The following ATG10 variants were observed in gnomAD, a reference collection of about 807,000 sequenced individuals.
The protein encoded by ATG10 is autophagy related 10, also known as ubiquitin-like-conjugating enzyme ATG10.
Under a neutral mutation model 32.1 loss-of-function variants are expected in ATG10, and 30 were observed. The observed-to-expected ratio is 0.94, with a 90% CI of 0.70 to 1.27. ATG10 has a LOEUF of 1.27. ATG10 is among the 50% of genes most tolerant of loss of function. ATG10 has a pLI of 0.00. For synonymous variants in ATG10, 87 were observed against 91.5 expected, an observed-to-expected ratio of 0.95 and a Z score of 0.28; for missense variants, 233 against 262.3, an observed-to-expected ratio of 0.89 and a Z score of 0.77.
intron 3 of ATG10, among the ~76,000 whole-genome samples, chr5:82,117,999 T>C (rs368377432): frequency 2.0e-5 from 3 of 152,048 alleles, no homozygotes; most frequent in African/African-American, 4.8e-5. Flanking sequence ...GAGAGACCAG[T>C]TGAAGAAACG....
chr5:82,041,079 C>A (rs1375625737), intron 2 of ATG10, among the ~76,000 whole-genome samples: 1 of 152,122 alleles, frequency 6.6e-6, no homozygotes, highest in Admixed American at 6.5e-5. Context: ...AGTAGCTATT[C>A]TATTTTAATC....
At chr5:82,008,730 G>T (rs1252548624) in intron 2 of ATG10, among the ~76,000 whole-genome samples, 1 of 152,140 alleles carries the variant, frequency 6.6e-6, no homozygotes, top group African/African-American at 2.4e-5. Context: ...CTGACCCTCA[G>T]CTTTTTGGGT....
Position 82,071,415 on chromosome 5 carries a change from G to A in ATG10, c.216+12813G>A, listed in dbSNP as rs936551544. Among the ~76,000 whole-genome samples, 27 of 152,200 alleles carry A rather than the reference G, an allele frequency of 1.8e-4. No individual in the cohort carries two copies. In the East Asian group the frequency reaches 4.4e-3, roughly 25 times the overall value. ...TGTCTACCTTATGAACCTATCAACC[G>A]ATCCTGGCTTCCATAATCACTCAGC... On this transcript the variant is annotated intron_variant, in intron 3 of 7. Coordinates refer to ENST00000282185, the MANE Select transcript of ATG10 (RefSeq NM_031482.5).
intron 5 of ATG10, among the ~76,000 whole-genome samples, chr5:82,248,654 A>G (rs1046839292): frequency 1.3e-5 from 2 of 152,068 alleles, no homozygotes; most frequent in Non-Finnish European, 2.9e-5. Flanking sequence ...TTCTGGGGAG[A>G]GGATTTGCTG....
chr5:82,003,526 A>G (rs1761907885), intron 2 of ATG10, among the ~76,000 whole-genome samples: 1 of 152,350 alleles, frequency 6.6e-6, no homozygotes, highest in Non-Finnish European at 1.5e-5. Context: ...AAGAATTAAC[A>G]TTAAGAGGCT....
chr5:82,203,194 C>G (rs1177670939), intron 5 of ATG10, among the ~76,000 whole-genome samples: 3 of 151,600 alleles, frequency 2.0e-5, no homozygotes, highest in South Asian at 2.1e-4. Flanking sequence ...CACCACTGCA[C>G]TCCAGTCTGG....
At chr5:82,039,023 T>A (rs1281245807) in intron 2 of ATG10, among the ~76,000 whole-genome samples, 3 of 152,148 alleles carry the variant, frequency 2.0e-5, no homozygotes, top group African/African-American at 7.2e-5. Flanking sequence ...ATTTTTAAAT[T>A]TTTTGTAGAG....
intron 5 of ATG10, among the ~76,000 whole-genome samples, chr5:82,248,074 A>G (rs1002464336): frequency 6.6e-6 from 1 of 152,148 alleles, no homozygotes; most frequent in Non-Finnish European, 1.5e-5. Context: ...CTAAAAACTC[A>G]AGTAGTATTC....
chr5:82,033,021 A>T (rs1023718987), intron 2 of ATG10, among the ~76,000 whole-genome samples: 1 of 152,128 alleles, frequency 6.6e-6, no homozygotes, highest in Admixed American at 6.5e-5. Context: ...ATATAGAATG[A>T]TCATTCTTCA....
chr5:82,154,101 G>A (rs993270148), intron 3 of ATG10, among the ~76,000 whole-genome samples: 2 of 151,656 alleles, frequency 1.3e-5, no homozygotes, highest in African/African-American at 4.8e-5. Flanking sequence ...GCTAAGAATG[G>A]TTTTTATATT....
intron 3 of ATG10, among the ~76,000 whole-genome samples, chr5:82,138,595 T>C (rs1015398310): frequency 6.6e-6 from 1 of 152,062 alleles, no homozygotes; most frequent in Non-Finnish European, 1.5e-5. Flanking sequence ...GGTACCTCAG[T>C]TGGAAATGCA....
chr5:82,138,092 T>G (rs1221508961), intron 3 of ATG10, among the ~76,000 whole-genome samples: 1 of 152,166 alleles, frequency 6.6e-6, no homozygotes, highest in Non-Finnish European at 1.5e-5. Flanking sequence ...AGCTTGAGTG[T>G]CCCAGGTTGA....
chr5:82,120,004 G>A (rs532121486), intron 3 of ATG10, among the ~76,000 whole-genome samples: 8 of 152,032 alleles, frequency 5.3e-5, no homozygotes, highest in Non-Finnish European at 1.0e-4. Context: ...GTGTGTGTGT[G>A]TGTGTGTGTG....
At chr5:82,089,667 G>A (rs989351343) in intron 3 of ATG10, among the ~76,000 whole-genome samples, 1 of 152,028 alleles carries the variant, frequency 6.6e-6, no homozygotes, top group African/African-American at 2.4e-5. Context: ...AAAAAATAGA[G>A]AACCTTGGGA....
At chr5:82,172,021 G>A (rs1338096976) in intron 4 of ATG10, among the ~76,000 whole-genome samples, 1 of 152,188 alleles carries the variant, frequency 6.6e-6, no homozygotes, top group African/African-American at 2.4e-5. Context: ...ACCAGGGCTT[G>A]GAGAGCTATG....
chr5:82,085,166 A>AT (rs1288969322), intron 3 of ATG10, among the ~76,000 whole-genome samples: 6 of 152,114 alleles, frequency 3.9e-5, no homozygotes, highest in African/African-American at 1.4e-4. Context: ...AACAAAAAAA[A>AT]GCAGGGGTTG....
chr5:82,010,245 T>C (rs1294145883), intron 2 of ATG10, among the ~76,000 whole-genome samples: 1 of 152,242 alleles, frequency 6.6e-6, no homozygotes, highest in Admixed American at 6.5e-5. Context: ...TAACCAATTA[T>C]TTCACTTCCT....
At chr5:82,047,353 A>G (rs1763264306) in intron 2 of ATG10, among the ~76,000 whole-genome samples, 1 of 152,216 alleles carries the variant, frequency 6.6e-6, no homozygotes, top group South Asian at 2.1e-4. Flanking sequence ...TGAAAGAGGG[A>G]AAAGAAAATG....
chr5:82,181,912 T>C (rs1044374510), intron 5 of ATG10, among the ~76,000 whole-genome samples: 20 of 152,160 alleles, frequency 1.3e-4, no homozygotes, highest in African/African-American at 4.8e-4. Flanking sequence ...TTATGGTGAT[T>C]ACTTACCTGC....
Sources: allele counts gnomAD v4.1 joint callset (sites outside exome capture counted in the v4.1 genomes callset), GRCh38; gene constraint gnomAD v4.1.1; transcripts MANE v1.5; gene names NCBI Gene and HGNC (gene_info 2026-07-23, HGNC 2026-07-21).